The following ANK3 variants were observed in gnomAD, a reference collection of about 807,000 sequenced individuals.
The protein encoded by ANK3 is ankyrin 3, also known as ankyrin-3.
ANK3 carries 57 observed loss-of-function variants against 370.9 expected under a neutral mutation model. The observed-to-expected ratio is 0.15, with a 90% CI of 0.12 to 0.19. The LOEUF is 0.19. Among genes scored for constraint, ANK3 ranks in the 10% least tolerant of loss-of-function variants. The pLI, the probability that ANK3 is intolerant of heterozygous loss-of-function variation, is 1.00. For missense variants in ANK3, 4,439 were observed against 5,302.1 expected (o/e 0.84, Z 5.06); for synonymous variants, 1,929 against 1,946.3 (o/e 0.99, Z 0.23).
At chr10:60,181,846 G>C (rs902260107) in intron 17 of ANK3, among the ~76,000 whole-genome samples, 1 of 152,100 alleles carries the variant, frequency 6.6e-6, no homozygotes, top group Admixed American at 6.6e-5. Flanking sequence ...TCTTAGCACT[G>C]TGGCAACATG....
chr10:60,086,100 G>A (rs146902903), intron 30 of ANK3, among the ~76,000 whole-genome samples: 5 of 152,240 alleles, frequency 3.3e-5, no homozygotes, highest in African/African-American at 7.2e-5. Context: ...GTTAAAAATC[G>A]GACTAGGATA....
intron 29 of ANK3, 48 bp downstream of exon 29, chr10:60,088,099 A>T: frequency 6.7e-7 from 1 of 1,488,430 alleles, no homozygotes. Flanking sequence ...ACATGCACTC[A>T]CATGCTCTCT....
At chr10:60,140,928 A>G in intron 23 of ANK3, 2 of 985,742 alleles carry the variant, frequency 2.0e-6, no homozygotes, top group Non-Finnish European at 2.4e-6. Flanking sequence ...CAACCCAGGT[A>G]GAGGAAAAAC....
rs79184068 is a variant in ANK3 at position 60,490,743 on chromosome 10, C to G, written c.96+124443G>C. On this transcript the variant is annotated intron_variant, in intron 2 of 43. Transcript: ENST00000373827. Reference sequence around the variant, plus strand: ...TCTATCTTGGAAAAAAATTCCTGGGCTCCCACTTCCCTTGCTATTGCCACC... The same window carrying G: ...TCTATCTTGGAAAAAAATTCCTGGGGTCCCACTTCCCTTGCTATTGCCACC... Among the ~76,000 whole-genome samples the G allele has an allele frequency of 2.6e-5, 4 of 152,194 alleles. No individual in the cohort carries two copies. The East Asian group carries it at 7.7e-4, about 29-fold the overall frequency.
chr10:60,057,317 T>C (rs992835001), intron 41 of ANK3, among the ~76,000 whole-genome samples: 6 of 152,234 alleles, frequency 3.9e-5, no homozygotes, highest in Non-Finnish European at 7.3e-5. Context: ...CAGTATAGAC[T>C]ATTTTTCACT....
At chr10:60,298,314 G>T (rs1003004921) in intron 1 of ANK3, among the ~76,000 whole-genome samples, 3 of 152,052 alleles carry the variant, frequency 2.0e-5, no homozygotes, top group Non-Finnish European at 4.4e-5. Context: ...ACCACAAGCC[G>T]AACAGAAGCA....
chr10:60,666,659 C>A (rs1414767476), intron 1 of ANK3, among the ~76,000 whole-genome samples: 2 of 152,076 alleles, frequency 1.3e-5, no homozygotes, highest in African/African-American at 4.8e-5. Flanking sequence ...AAGAGGTGTG[C>A]ATATATTACC....
chr10:60,627,382 T>C (rs933822286), intron 1 of ANK3, among the ~76,000 whole-genome samples: 4 of 151,260 alleles, frequency 2.6e-5, no homozygotes, highest in Non-Finnish European at 2.9e-5. Context: ...CTACTTGACG[T>C]CGTTATTGTC....
At chr10:60,508,556 C>T (rs1164058285) in intron 2 of ANK3, 1 of 152,630 alleles carries the variant, frequency 6.6e-6, no homozygotes, top group Non-Finnish European at 1.5e-5. Context: ...TTTTAGTCCA[C>T]AAAATGGCAA....
chr10:60,371,498 C>T (rs541350825), intron 1 of ANK3, among the ~76,000 whole-genome samples: 1 of 152,140 alleles, frequency 6.6e-6, no homozygotes, highest in African/African-American at 2.4e-5. Flanking sequence ...TTTTTTTGTA[C>T]CCCTGGAGCA....
At chr10:60,044,645 T>C (rs2076651431) in intron 42 of ANK3, 2 of 152,220 alleles carry the variant, frequency 1.3e-5, no homozygotes, top group African/African-American at 2.4e-5. Context: ...AGGCTTCATA[T>C]GTTGAGACAA....
chr10:60,475,665 AT>A lies in ANK3; in HGVS notation c.96+139520del, dbSNP rs796957683. On this transcript the variant is annotated intron_variant, in intron 2 of 43. Coordinates refer to the ANK3 transcript ENST00000373827. The stretch of plus-strand genomic sequence containing the variant: ...AAACCCAGTTATAAAATTTAGAGGG[AT>A]TTTTTTTTCTCCTCAAAGGAGAGAA... Among the ~76,000 whole-genome samples the A allele has an allele frequency of 4.1e-3, 618 of 151,900 alleles. 4 individuals carry two copies. Among genetic ancestry groups the A allele is most frequent in the African/African-American group, 0.014 (587 of 41,418 alleles).
chr10:60,626,724 G>A (rs1567187384), intron 1 of ANK3, among the ~76,000 whole-genome samples: 1 of 152,118 alleles, frequency 6.6e-6, no homozygotes, highest in Non-Finnish European at 1.5e-5. Flanking sequence ...AATTTAAAAG[G>A]TAAAAGGAGA....
chr10:60,236,420 T>C (rs2097335056), intron 7 of ANK3, among the ~76,000 whole-genome samples: 1 of 152,180 alleles, frequency 6.6e-6, no homozygotes, highest in Non-Finnish European at 1.5e-5. Flanking sequence ...GGTTGAGTCC[T>C]TTAAGTCTTT....
At chr10:60,240,245 C>CAT (rs2097425798) in intron 7 of ANK3, among the ~76,000 whole-genome samples, 1 of 138,410 alleles carries the variant, frequency 7.2e-6, no homozygotes, top group South Asian at 2.2e-4. Context: ...TATATACACA[C>CAT]ATATATATAC....
At chr10:60,664,117 A>T (rs2078968860) in intron 1 of ANK3, among the ~76,000 whole-genome samples, 1 of 152,246 alleles carries the variant, frequency 6.6e-6, no homozygotes, top group African/African-American at 2.4e-5. Context: ...CAGAAAGAGG[A>T]CACGTGAGAT....
intron 1 of ANK3, among the ~76,000 whole-genome samples, chr10:60,292,118 G>C (rs942077310): frequency 2.2e-4 from 34 of 152,166 alleles, no homozygotes; most frequent in Non-Finnish European, 1.8e-4. Context: ...AGCTATACAA[G>C]AGGAACAGAC....
chr10:60,055,364 G>A (rs1018274154), intron 42 of ANK3, among the ~76,000 whole-genome samples: 4 of 152,100 alleles, frequency 2.6e-5, no homozygotes, highest in South Asian at 2.1e-4. Flanking sequence ...GTTACTTAAC[G>A]TCTCTCTGGT....
chr10:60,075,255 C>T lies in ANK3; in HGVS notation c.5626G>A (p.Val1876Ile), dbSNP rs2083517808. Reference protein sequence around the residue: ...QPHFSRTSSPVKSSLFLAPSA... With the variant: ...QPHFSRTSSPIKSSLFLAPSA... ...GGTGCAAGGAACAAAGATGACTTAA[C>T]TGGAGATGAAGTTCGACTGAAGTGA... Residue 1876 changes from valine (V) to isoleucine (I), a missense_variant, in exon 37 of 44, where the codon GTT becomes ATT. By Grantham distance (29) the Val-to-Ile change is conservative. Transcript: ENST00000280772. 1.2e-6 allele frequency: 2 copies of T among 1,614,144 alleles called. No homozygotes were observed. The highest frequency in any genetic ancestry group is 1.7e-5 in the Admixed American group (1 of 60,026).
Sources: allele counts gnomAD v4.1 joint callset (sites outside exome capture counted in the v4.1 genomes callset), GRCh38; gene constraint gnomAD v4.1.1; transcripts MANE v1.5; gene names NCBI Gene and HGNC (gene_info 2026-07-23, HGNC 2026-07-21).